Variants in SBF2 observed in about 807,000 individuals in gnomAD.
SBF2 encodes SET binding factor 2.
Under a neutral mutation model 225.2 loss-of-function variants are expected in SBF2, and 112 were observed. That is an observed-to-expected ratio of 0.50 (90% CI 0.43 to 0.58). The LOEUF (loss-of-function observed/expected upper bound fraction) is 0.58, where lower values mean the gene tolerates loss of function less well. Ranked by LOEUF, SBF2 falls within the 20% of genes least tolerant of loss-of-function variation. The probability of loss-of-function intolerance (pLI) is 0.00; values close to 1 mark genes in which losing one functional copy is unlikely to be tolerated. For synonymous variants in SBF2, 763 were observed against 773.3 expected (o/e 0.99, Z 0.22); for missense variants, 1,996 against 2,206.2 (o/e 0.90, Z 1.91).
At position 10,269,322 on chromosome 11, in the gene SBF2, T is replaced by C. The variant is rs370073816; in HGVS notation, c.55+24693A>G. On this transcript the variant is annotated intron_variant, in intron 1 of 39. Transcript: ENST00000256190. ...CAGTATCTTACCTTAGTCATCCTAG[T>C]GGGAAAAGATAGGCGTGCCAGTTTG... Among the ~76,000 whole-genome samples the C allele has an allele frequency of 2.6e-5, 4 of 152,202 alleles. No homozygotes were observed. In the South Asian group the frequency reaches 6.2e-4, roughly 24 times the overall value.
intron 1 of SBF2, among the ~76,000 whole-genome samples, chr11:10,264,948 C>T (rs150259316): frequency 3.1e-3 from 469 of 152,180 alleles, no homozygotes; most frequent in Non-Finnish European, 5.0e-3. Context: ...TCCATGGTGT[C>T]TATGTGCCAC....
chr11:9,967,924 T>TCTGC (rs1867036015), intron 14 of SBF2, among the ~76,000 whole-genome samples: 1 of 114,118 alleles, frequency 8.8e-6, no homozygotes, highest in Non-Finnish European at 1.9e-5. Context: ...TGTCTGTCTG[T>TCTGC]CTGTCTGTCT....
chr11:10,218,808 A>C (rs1366806328), intron 1 of SBF2, among the ~76,000 whole-genome samples: 4 of 152,176 alleles, frequency 2.6e-5, no homozygotes, highest in African/African-American at 9.7e-5. Flanking sequence ...TTAAACCTTA[A>C]ATTTCCAAAA....
At chr11:9,974,463 C>G (rs1424762320) in intron 13 of SBF2, among the ~76,000 whole-genome samples, 1 of 152,050 alleles carries the variant, frequency 6.6e-6, no homozygotes, top group Non-Finnish European at 1.5e-5. Context: ...AACCACTGCT[C>G]TAATTCATGA....
intron 1 of SBF2, among the ~76,000 whole-genome samples, chr11:10,206,860 TA>T (rs1957769730): frequency 6.6e-6 from 1 of 151,822 alleles, no homozygotes; most frequent in Non-Finnish European, 1.5e-5. Flanking sequence ...CCACAGACCA[TA>T]ACAAAAGATC....
At chr11:9,883,728 CAAG>C (rs372042763) in intron 17 of SBF2, among the ~76,000 whole-genome samples, 99 of 152,074 alleles carry the variant, frequency 6.5e-4, no homozygotes, top group African/African-American at 2.3e-3. Flanking sequence ...GTTCTTAACA[CAAG>C]AAAGAGCTGA....
chr11:9,798,480 T>C (rs74608047), intron 32 of SBF2, among the ~76,000 whole-genome samples: 2,119 of 152,172 alleles, frequency 0.014, 51 homozygotes, highest in African/African-American at 0.048. Flanking sequence ...GGATGAGAAA[T>C]CTGCAGTGTG....
At chr11:10,157,181 T>C (rs755367722) in intron 2 of SBF2, among the ~76,000 whole-genome samples, 10 of 152,208 alleles carry the variant, frequency 6.6e-5, no homozygotes, top group Non-Finnish European at 1.3e-4. Flanking sequence ...GATTCCCTAT[T>C]CAATAAATGG....
At position 10,175,614 on chromosome 11, in the gene SBF2, G is replaced by C. The variant is rs1039291121; in HGVS notation, c.141+18288C>G. 2.7e-5 allele frequency among the ~76,000 whole-genome samples: 4 copies of C among 150,926 alleles called. No individual in the cohort carries two copies. In the East Asian group the frequency reaches 7.8e-4, roughly 29 times the overall value. ...ATTAGACAGATCAACGAGACAGAAA[G>C]TCAACAAGGATACCCAGGAATGGAA... On this transcript the variant is annotated intron_variant, in intron 2 of 39. Transcript: ENST00000256190.
At chr11:9,982,696 C>G (rs181982022) in intron 13 of SBF2, among the ~76,000 whole-genome samples, 1 of 152,282 alleles carries the variant, frequency 6.6e-6, no homozygotes, top group African/African-American at 2.4e-5. Context: ...AGAGGAACCA[C>G]AGATCCTCGG....
intron 1 of SBF2, among the ~76,000 whole-genome samples, chr11:10,243,679 T>C (rs1959466121): frequency 6.6e-6 from 1 of 152,104 alleles, no homozygotes; most frequent in Non-Finnish European, 1.5e-5. Flanking sequence ...TGTACAATTA[T>C]ATGCCAACAA....
chr11:10,285,631 A>G (rs1421742303), intron 1 of SBF2, among the ~76,000 whole-genome samples: 2 of 152,240 alleles, frequency 1.3e-5, no homozygotes, highest in East Asian at 1.9e-4. Context: ...TAAGGCATAC[A>G]CTGCATAACC....
chr11:10,186,211 C>T (rs780298951), intron 2 of SBF2, among the ~76,000 whole-genome samples: 10 of 152,030 alleles, frequency 6.6e-5, no homozygotes, highest in Non-Finnish European at 1.5e-4. Flanking sequence ...GGGACCATGC[C>T]CTCTCTCAGG....
intron 2 of SBF2, among the ~76,000 whole-genome samples, chr11:10,188,170 G>T (rs866127351): frequency 6.6e-5 from 10 of 152,090 alleles, no homozygotes; most frequent in Non-Finnish European, 1.0e-4. Flanking sequence ...GAAGAAATAG[G>T]ATAGTAGCTA....
intron 16 of SBF2, among the ~76,000 whole-genome samples, chr11:9,933,240 C>T (rs1864632908): frequency 7.0e-6 from 1 of 143,104 alleles, no homozygotes; most frequent in Non-Finnish European, 1.6e-5. Context: ...GTCTATATTA[C>T]ACAGATCAAC....
At chr11:9,832,632 G>T (rs1235687202) in intron 26 of SBF2, among the ~76,000 whole-genome samples, 1 of 151,976 alleles carries the variant, frequency 6.6e-6, no homozygotes, top group African/African-American at 2.4e-5. Context: ...GTAGAGACAG[G>T]GTCTCACTTT....
intron 2 of SBF2, among the ~76,000 whole-genome samples, chr11:10,146,991 C>G (rs994978953): frequency 6.7e-6 from 1 of 149,356 alleles, no homozygotes; most frequent in South Asian, 2.1e-4. Context: ...TAGGGAAATG[C>G]AAACCAAAAC....
intron 17 of SBF2, among the ~76,000 whole-genome samples, chr11:9,865,187 T>A (rs1298610682): frequency 6.6e-6 from 1 of 152,248 alleles, no homozygotes; most frequent in Non-Finnish European, 1.5e-5. Flanking sequence ...TGGTTTTTCA[T>A]GCATTATGTT....
intron 9 of SBF2, among the ~76,000 whole-genome samples, chr11:9,997,519 C>T (rs1156420905): frequency 1.3e-5 from 2 of 152,224 alleles, no homozygotes; most frequent in Admixed American, 6.5e-5. Flanking sequence ...TGGCTCACGC[C>T]TGTAATCCCA....
Sources: gnomAD v4.1 joint callset for allele counts (sites outside exome capture counted in the v4.1 genomes callset) on GRCh38, gnomAD v4.1.1 for gene constraint, MANE v1.5 for transcripts, NCBI Gene and HGNC (gene_info 2026-07-23, HGNC 2026-07-21) for gene names.